RNF170: variants seen among roughly 807,000 people sequenced by gnomAD.
RNF170 encodes the protein E3 ubiquitin-protein ligase RNF170.
Under a neutral mutation model 32.7 loss-of-function variants are expected in RNF170, and 12 were observed. That is an observed-to-expected ratio of 0.37 (90% CI 0.24 to 0.60). The LOEUF (loss-of-function observed/expected upper bound fraction) is 0.60. Among genes scored for constraint, RNF170 ranks in the 20% least tolerant of loss-of-function variants. The probability of loss-of-function intolerance (pLI) is 0.72; values close to 1 mark genes in which losing one functional copy is unlikely to be tolerated. For missense variants in RNF170, 212 were observed against 311.2 expected (o/e 0.68, Z 2.40); for synonymous variants, 91 against 103.6 (o/e 0.88, Z 0.74).
At chr8:42,861,639 G>C (rs1803669740) in intron 6 of RNF170, 106 bp downstream of exon 6, 4 of 946,930 alleles carry the variant, frequency 4.2e-6, no homozygotes, top group African/African-American at 1.6e-5. Flanking sequence ...TACTGTGCCT[G>C]GCCAAGATTT....
chr8:42,853,812 C>A lies in RNF170; in HGVS notation c.*2347G>T. 1 of 1,287,138 alleles carries A rather than the reference C, an allele frequency of 7.8e-7. No individual in the cohort carries two copies. Among genetic ancestry groups the A allele is most frequent in the African/African-American group, 1.5e-5 (1 of 65,900 alleles). 79.7% of individuals were successfully genotyped at this position (1,287,138 alleles called of 1,614,324 possible). On this transcript the variant is annotated 3_prime_UTR_variant, in exon 7 of 7. Coordinates refer to ENST00000527424, the MANE Select transcript of RNF170 (RefSeq NM_030954.4). Reference sequence around the variant, plus strand: ...GAGATGTTAGCACATACCCTTTTCACAATTTAGGAAGCTTTAAGATCATTT... The same window carrying A: ...GAGATGTTAGCACATACCCTTTTCAAAATTTAGGAAGCTTTAAGATCATTT...
intron 1 of RNF170, among the ~76,000 whole-genome samples, chr8:42,890,792 A>G (rs1806237910): frequency 6.6e-6 from 1 of 152,158 alleles, no homozygotes; most frequent in Non-Finnish European, 1.5e-5. Flanking sequence ...TACTAATGCC[A>G]TTTGACCTGC....
chr8:42,862,763 T>G (rs77045521), intron 5 of RNF170, among the ~76,000 whole-genome samples: 1 of 152,172 alleles, frequency 6.6e-6, no homozygotes, highest in Non-Finnish European at 1.5e-5. Flanking sequence ...TTAATAAAAA[T>G]GCATTCTTTC....
intron 2 of RNF170, among the ~76,000 whole-genome samples, chr8:42,878,706 G>C (rs1291632478): frequency 5.9e-5 from 9 of 152,244 alleles, no homozygotes; most frequent in Non-Finnish European, 1.3e-4. Flanking sequence ...GATGAAGGTG[G>C]CTACGCTCAA....
intron 1 of RNF170, among the ~76,000 whole-genome samples, chr8:42,893,855 C>T (rs1179386798): frequency 2.0e-5 from 3 of 152,188 alleles, no homozygotes; most frequent in African/African-American, 7.2e-5. Flanking sequence ...AGCACTGTCA[C>T]ACAGGACATG....
At position 42,855,614 on chromosome 8, in the gene RNF170, A is replaced by C. The variant is rs1324461062; in HGVS notation, c.*545T>G. 7.8e-7 allele frequency: 1 copy of C among 1,280,088 alleles called. No individual in the cohort carries two copies. Among genetic ancestry groups the C allele is most frequent in the Admixed American group, 2.3e-5 (1 of 43,510 alleles). The allele number at this position is 1,280,088 out of a possible 1,614,324, so 79.3% of individuals were successfully genotyped here. On this transcript the variant is annotated 3_prime_UTR_variant, in exon 7 of 7. Coordinates refer to ENST00000527424, the MANE Select transcript of RNF170 (RefSeq NM_030954.4). ...GTTTCTTCTTTCAGTTTCAGCTGAT[A>C]GCAAATAATTAATTATACCAGAATG...
chr8:42,862,960 A>C (rs1803769774), intron 5 of RNF170, among the ~76,000 whole-genome samples: 1 of 152,142 alleles, frequency 6.6e-6, no homozygotes, highest in South Asian at 2.1e-4. Flanking sequence ...GAGAGCGAGG[A>C]TCTCTTCTGC....
intron 1 of RNF170, chr8:42,889,448 A>AAT (rs1436328607): frequency 1.3e-5 from 2 of 152,190 alleles, no homozygotes; most frequent in African/African-American, 4.8e-5. Context: ...TATTCAATTA[A>AAT]ATATATATGA....
In RNF170 at chr8:42,884,975, T is replaced by C. The variant is rs530008366; in HGVS notation, c.137+2753A>G. On this transcript the variant is annotated intron_variant, in intron 2 of 6. Transcript: ENST00000527424. The stretch of plus-strand genomic sequence containing the variant: ...CCTCAGCCTCCCAAAGTGCTGGAAT[T>C]ACAGGCGCGAGCCACCGCGCCCTGC... Among the ~76,000 whole-genome samples, 9 of 151,750 alleles carry C rather than the reference T, an allele frequency of 5.9e-5. No homozygotes were observed. In the East Asian group the frequency reaches 1.8e-3, roughly 30 times the overall value.
chr8:42,887,819 C>T lies in RNF170; in HGVS notation c.46G>A (p.Asp16Asn), dbSNP rs752981300. The T allele has an allele frequency of 6.2e-7, 1 of 1,612,914 alleles. No homozygotes were observed. The highest frequency in any genetic ancestry group is 8.5e-7 in the Non-Finnish European group (1 of 1,178,868). ...GEVQSLKLDD[D>N]SVIEGVSDQV... is the part of the protein sequence containing the mutation. ...TCGCTTACTCCTTCTATAACTGAAT[C>T]ATCATCCAGTTTCAAACTTTGAACT... Residue 16 changes from aspartate to asparagine, a missense_variant, in exon 2 of 7, where the codon GAT (aspartate) becomes AAT (asparagine). Transcript: ENST00000527424.
intron 2 of RNF170, among the ~76,000 whole-genome samples, chr8:42,885,785 G>T (rs201104043): frequency 6.6e-6 from 1 of 151,992 alleles, no homozygotes; most frequent in Non-Finnish European, 1.5e-5. Flanking sequence ...CTGAGACAGG[G>T]TCTTATTCTG....
intron 5 of RNF170, among the ~76,000 whole-genome samples, chr8:42,862,916 C>G (rs758314320): frequency 6.6e-6 from 1 of 152,214 alleles, no homozygotes; most frequent in African/African-American, 2.4e-5. Flanking sequence ...GACAGCCTTA[C>G]ATGGTCCTGG....
At chr8:42,868,077 A>G (rs948604831) in intron 4 of RNF170, among the ~76,000 whole-genome samples, 26 of 152,294 alleles carry the variant, frequency 1.7e-4, no homozygotes, top group African/African-American at 6.3e-4. Context: ...TAGCATTTCC[A>G]ATAGAAAATT....
At position 42,855,432 on chromosome 8, in the gene RNF170, T is replaced by C. The variant is rs1210222187; in HGVS notation, c.*727A>G. On this transcript the variant is annotated 3_prime_UTR_variant, in exon 7 of 7. Coordinates refer to ENST00000527424, the MANE Select transcript of RNF170 (RefSeq NM_030954.4). ...TTCACCATGTTAGCCAGGATGGTCC[T>C]GATCTCCTGACCTTGTGATCTACCC... is the stretch of plus-strand genomic sequence containing the variant. The C allele has an allele frequency of 5.2e-6, 4 of 767,802 alleles. No individual in the cohort carries two copies. The highest frequency in any genetic ancestry group is 1.8e-5 in the African/African-American group (1 of 55,260). The allele number at this position is 767,802 out of a possible 1,614,324, so 47.6% of individuals were successfully genotyped here.
chr8:42,897,191 A>G, upstream of RNF170: 1 of 1,242,886 alleles, frequency 8.0e-7, no homozygotes. Context: ...TCACTTGGGT[A>G]CGTGGGGGCC....
At chr8:42,864,424 A>C (rs1563663766) in intron 5 of RNF170, among the ~76,000 whole-genome samples, 1 of 152,118 alleles carries the variant, frequency 6.6e-6, no homozygotes, top group Non-Finnish European at 1.5e-5. Flanking sequence ...TAAATGAAAA[A>C]TAAATATAAA....
In RNF170 at chr8:42,855,769, AT is replaced by A. The variant is rs1563654825; in HGVS notation, c.*389del. On this transcript the variant is annotated 3_prime_UTR_variant, in exon 7 of 7. Transcript: ENST00000527424. ...ATGAGTTTCACAGCTATATATTATC[AT>A]ATAGGTACCTGCTGAGAAGGATAAG... The A allele has an allele frequency of 8.0e-7, 1 of 1,250,718 alleles. No individual in the cohort carries two copies. Among genetic ancestry groups the A allele is most frequent in the Non-Finnish European group, 1.0e-6 (1 of 959,204 alleles). 77.5% of individuals were successfully genotyped at this position (1,250,718 alleles called of 1,614,324 possible).
At chr8:42,891,441 G>GT (rs1262164207) in intron 1 of RNF170, among the ~76,000 whole-genome samples, 2 of 151,966 alleles carry the variant, frequency 1.3e-5, no homozygotes, top group East Asian at 1.9e-4. Flanking sequence ...CTCCTTTATT[G>GT]TCCTGTACCT....
At position 42,896,530 on chromosome 8, in the gene RNF170, A is replaced by T. The variant is rs1470768459; in HGVS notation, c.-54T>A. 2 of 453,690 alleles carry T rather than the reference A, an allele frequency of 4.4e-6. No homozygotes were observed. Among genetic ancestry groups the T allele is most frequent in the Non-Finnish European group, 8.8e-6 (2 of 226,678 alleles). The allele number at this position is 453,690 out of a possible 1,614,324, so 28.1% of individuals were successfully genotyped here. On this transcript the variant is annotated 5_prime_UTR_variant, in exon 1 of 7. Transcript: ENST00000527424. ...CCTCGCCAGTTCCCGGCGACAGAGG[A>T]CAGATTATTTCCAGGACCGCTCCCG...
Sources: allele counts gnomAD v4.1 joint callset (sites outside exome capture counted in the v4.1 genomes callset), GRCh38; gene constraint gnomAD v4.1.1; transcripts MANE v1.5; gene names NCBI Gene and HGNC (gene_info 2026-07-23, HGNC 2026-07-21).